Variants in DLC1 observed in about 807,000 individuals in gnomAD.
The protein encoded by DLC1 is rho GTPase-activating protein 7.
In DLC1, 54 loss-of-function variants were observed where a neutral mutation model predicts 140.3. The ratio of observed to expected loss-of-function variants is 0.38; its 90% CI spans 0.31 to 0.48. The LOEUF (loss-of-function observed/expected upper bound fraction) is 0.48, where lower values mean the gene tolerates loss of function less well. DLC1 is among the 20% of genes least tolerant of loss of function. The probability of loss-of-function intolerance (pLI) is 0.96; values close to 1 mark genes in which losing one functional copy is unlikely to be tolerated. For synonymous variants in DLC1, 986 were observed against 728.1 expected, an observed-to-expected ratio of 1.35 and a Z score of -5.70; for missense variants, 2,536 against 1,907.0, an observed-to-expected ratio of 1.33 and a Z score of -6.14.
chr8:13,224,655 C>T (rs1390853998), intron 5 of DLC1, among the ~76,000 whole-genome samples: 2 of 152,248 alleles, frequency 1.3e-5, no homozygotes, highest in East Asian at 1.9e-4. Flanking sequence ...CCTGTACTGG[C>T]CACTTCCTTC....
At chr8:13,208,246 A>G (rs1361645173) in intron 5 of DLC1, among the ~76,000 whole-genome samples, 1 of 152,170 alleles carries the variant, frequency 6.6e-6, no homozygotes, top group Non-Finnish European at 1.5e-5. Context: ...GTCATACAGA[A>G]TTCAAGAAAT....
At chr8:13,224,655 C>A (rs1390853998) in intron 5 of DLC1, among the ~76,000 whole-genome samples, 1 of 152,130 alleles carries the variant, frequency 6.6e-6, no homozygotes, top group Non-Finnish European at 1.5e-5. Flanking sequence ...CCTGTACTGG[C>A]CACTTCCTTC....
intron 5 of DLC1, among the ~76,000 whole-genome samples, chr8:13,153,971 G>C (rs1183084562): frequency 6.6e-6 from 1 of 152,094 alleles, no homozygotes; most frequent in Non-Finnish European, 1.5e-5. Context: ...GCTAGACACA[G>C]GGTGGTGATT....
chr8:13,564,048 A>G (rs10503456), intron 1 of DLC1, among the ~76,000 whole-genome samples: 25,379 of 152,122 alleles, frequency 0.17, 2,416 homozygotes, highest in East Asian at 0.28. Flanking sequence ...GCTTAAAATC[A>G]GTATTTGTGG....
intron 5 of DLC1, among the ~76,000 whole-genome samples, chr8:13,175,454 A>G (rs1444692131): frequency 2.6e-5 from 4 of 152,122 alleles, no homozygotes; most frequent in Non-Finnish European, 5.9e-5. Flanking sequence ...CACCTTTTCT[A>G]CCTTAAACAT....
At chr8:13,170,058 A>G (rs753053861) in intron 5 of DLC1, among the ~76,000 whole-genome samples, 8 of 152,152 alleles carry the variant, frequency 5.3e-5, no homozygotes, top group Non-Finnish European at 1.0e-4. Flanking sequence ...GGAATATTTC[A>G]TGCTTTAGGT....
intron 2 of DLC1, among the ~76,000 whole-genome samples, chr8:13,404,592 G>A (rs2117265678): frequency 6.6e-6 from 1 of 152,046 alleles, no homozygotes; most frequent in East Asian, 1.9e-4. Flanking sequence ...CCTTAATATT[G>A]GAAGGAATTC....
intron 2 of DLC1, among the ~76,000 whole-genome samples, chr8:13,476,025 G>A (rs754644018): frequency 6.6e-6 from 1 of 152,150 alleles, no homozygotes; most frequent in Non-Finnish European, 1.5e-5. Context: ...CATTTCTTAG[G>A]GCATAGGAGA....
chr8:13,349,906 A>G (rs938922753), intron 4 of DLC1, among the ~76,000 whole-genome samples: 2 of 152,194 alleles, frequency 1.3e-5, no homozygotes, highest in Admixed American at 6.5e-5. Context: ...GGATGACTGG[A>G]TCCAGCTGCA....
intron 5 of DLC1, among the ~76,000 whole-genome samples, chr8:13,237,852 CAG>C (rs1212818446): frequency 6.7e-6 from 1 of 150,030 alleles, no homozygotes; most frequent in Non-Finnish European, 1.5e-5. Flanking sequence ...TGGGTTATAA[CAG>C]ATCATTTAAA....
intron 1 of DLC1, among the ~76,000 whole-genome samples, chr8:13,541,468 T>G (rs1426128349): frequency 6.6e-6 from 1 of 152,214 alleles, no homozygotes; most frequent in Non-Finnish European, 1.5e-5. Context: ...TACTTTTAAC[T>G]GTAGTCACCC....
At chr8:13,521,423 T>G (rs552691379) in intron 1 of DLC1, among the ~76,000 whole-genome samples, 2 of 151,494 alleles carry the variant, frequency 1.3e-5, no homozygotes, top group East Asian at 3.9e-4. Context: ...AAAAAAAAAG[T>G]TCCCTTGCCA....
chr8:13,551,030 C>G (rs1803826786), intron 1 of DLC1, among the ~76,000 whole-genome samples: 1 of 140,816 alleles, frequency 7.1e-6, no homozygotes, highest in Non-Finnish European at 1.5e-5. Context: ...TTTAACAGCA[C>G]TCCTCAGATT....
intron 4 of DLC1, chr8:13,338,689 C>G (rs537246287): frequency 5.5e-4 from 83 of 152,244 alleles, no homozygotes; most frequent in African/African-American, 2.0e-3. Flanking sequence ...TGAAGATAAG[C>G]CAGATGGTCT....
intron 1 of DLC1, among the ~76,000 whole-genome samples, chr8:13,575,227 T>A (rs571145659): frequency 1.3e-5 from 2 of 152,320 alleles, no homozygotes; most frequent in Non-Finnish European, 1.5e-5. Context: ...ATTAAACATT[T>A]AGGAGAAAAT....
chr8:13,348,101 A>C (rs2117016656), intron 4 of DLC1, among the ~76,000 whole-genome samples: 1 of 103,480 alleles, frequency 9.7e-6, no homozygotes, highest in South Asian at 3.5e-4. Context: ...AAACAAACAA[A>C]CAAACAAATA....
chr8:13,276,964 T>C (rs1394577391), intron 5 of DLC1: 1 of 152,276 alleles, frequency 6.6e-6, no homozygotes, highest in Non-Finnish European at 1.5e-5. Flanking sequence ...TTAGTTGTGG[T>C]TGTGGGAAGG....
Position 13,599,871 on chromosome 8 carries a change from A to C in DLC1, c.-126+4666T>G, listed in dbSNP as rs145984859. ...TATATGATAACTAACTAAAATGTATAGTTGAGAAGGGAAAAAAATCTCAAA... is the reference window on the plus strand; with the variant it reads ...TATATGATAACTAACTAAAATGTATCGTTGAGAAGGGAAAAAAATCTCAAA... On this transcript the variant is annotated intron_variant, in intron 1 of 1. Coordinates refer to the DLC1 transcript ENST00000631382. Among the ~76,000 whole-genome samples, 266 of 152,116 alleles carry C rather than the reference A, an allele frequency of 1.7e-3. 3 individuals are homozygous for C. Among genetic ancestry groups the C allele is most frequent in the African/African-American group, 6.0e-3 (249 of 41,544 alleles).
At chr8:13,512,513 A>G (rs1486395994) in intron 1 of DLC1, among the ~76,000 whole-genome samples, 1 of 152,192 alleles carries the variant, frequency 6.6e-6, no homozygotes, top group South Asian at 2.1e-4. Flanking sequence ...ATACAAATCA[A>G]TTAAGGGATT....
Sources: gnomAD v4.1 joint callset for allele counts (sites outside exome capture counted in the v4.1 genomes callset) on GRCh38, gnomAD v4.1.1 for gene constraint, MANE v1.5 for transcripts, NCBI Gene and HGNC (gene_info 2026-07-23, HGNC 2026-07-21) for gene names.